The following HEG1 variants were observed in gnomAD, a reference collection of about 807,000 sequenced individuals.
The protein encoded by HEG1 is heart development protein with EGF like domains 1, also known as protein HEG homolog 1.
HEG1 carries 56 observed loss-of-function variants against 125.6 expected under a neutral mutation model. The observed-to-expected ratio is 0.45, with a 90% CI of 0.36 to 0.56. The LOEUF (loss-of-function observed/expected upper bound fraction) is 0.56. HEG1 is among the 20% of genes least tolerant of loss of function. The pLI, the probability that HEG1 is intolerant of heterozygous loss-of-function variation, is 0.00. For missense variants in HEG1, 1,523 were observed against 1,670.0 expected, an observed-to-expected ratio of 0.91 and a Z score of 1.53; for synonymous variants, 644 against 668.5, an observed-to-expected ratio of 0.96 and a Z score of 0.57.
intron 12 of HEG1, among the ~76,000 whole-genome samples, chr3:124,991,845 G>A (rs1277920392): frequency 6.6e-6 from 1 of 152,142 alleles, no homozygotes; most frequent in Non-Finnish European, 1.5e-5. Flanking sequence ...CCTGACCTCA[G>A]ATGATCCGCC....
At chr3:124,998,013 CCTT>C (rs1363354045) in intron 11 of HEG1, among the ~76,000 whole-genome samples, 190 bp from the exon 12 acceptor site, 1 of 152,218 alleles carries the variant, frequency 6.6e-6, no homozygotes, top group Non-Finnish European at 1.5e-5. Context: ...TTCTGCCACT[CCTT>C]CTCTGATCAG....
intron 12 of HEG1, among the ~76,000 whole-genome samples, chr3:124,992,452 T>C (rs1936849794): frequency 6.6e-6 from 1 of 152,210 alleles, no homozygotes; most frequent in African/African-American, 2.4e-5. Flanking sequence ...AAAAATGTGA[T>C]ACAGGGTTAA....
intron 1 of HEG1, among the ~76,000 whole-genome samples, chr3:125,036,222 A>AAAAAAAG (rs956038754): frequency 6.6e-5 from 10 of 150,418 alleles, no homozygotes; most frequent in Middle Eastern, 3.5e-3. Context: ...AAAAAAAAAA[A>AAAAAAAG]AAAAGAAAAG....
intron 16 of HEG1, among the ~76,000 whole-genome samples, chr3:124,971,725 T>G (rs1936427621): frequency 6.6e-6 from 1 of 151,996 alleles, no homozygotes; most frequent in Non-Finnish European, 1.5e-5. Flanking sequence ...CTCTTGACCT[T>G]GTGATCCACC....
At chr3:125,040,475 C>T (rs1268900615) in intron 1 of HEG1, among the ~76,000 whole-genome samples, 1 of 152,060 alleles carries the variant, frequency 6.6e-6, no homozygotes, top group African/African-American at 2.4e-5. Flanking sequence ...CAAAAGGGAG[C>T]GGTTCCAGAA....
Position 125,009,844 on chromosome 3 carries a change from A to G in HEG1, c.3074-20T>C. The G allele has an allele frequency of 6.2e-7, 1 of 1,602,646 alleles. No homozygotes were observed. The highest frequency in any genetic ancestry group is 8.5e-7 in the Non-Finnish European group (1 of 1,172,790). ...TCACATCTGTAGAGGAGAAAAAAGA[A>G]GAACATCTTGCATCTGTAGCAAACA... is the stretch of plus-strand genomic sequence containing the variant. On this transcript the variant is annotated intron_variant, in intron 7 of 16. Coordinates refer to ENST00000311127, the MANE Select transcript of HEG1 (RefSeq NM_020733.2).
intron 1 of HEG1, among the ~76,000 whole-genome samples, chr3:125,039,835 C>CAA (rs71996831): frequency 0.47 from 62,376 of 131,998 alleles, 16,577 homozygotes; most frequent in East Asian, 0.68. Flanking sequence ...AGAACAGAGC[C>CAA]AAAAAAAAAA....
chr3:125,015,011 G>C, intron 5 of HEG1: 1 of 1,235,238 alleles, frequency 8.1e-7, no homozygotes, highest in Non-Finnish European at 1.0e-6. Flanking sequence ...TGTCTTCCAA[G>C]GCTAAAAGTA....
At chr3:124,976,740 A>G (rs1463896087) in intron 15 of HEG1, among the ~76,000 whole-genome samples, 1 of 151,902 alleles carries the variant, frequency 6.6e-6, no homozygotes, top group Non-Finnish European at 1.5e-5. Flanking sequence ...AAGGACTAAT[A>G]CCTTTCCTGG....
At chr3:125,026,516 C>T (rs1463092942) in intron 3 of HEG1, among the ~76,000 whole-genome samples, 2 of 152,128 alleles carry the variant, frequency 1.3e-5, no homozygotes, top group Non-Finnish European at 2.9e-5. Flanking sequence ...ACTAATATCA[C>T]GCCTTGCAAA....
Position 124,981,433 on chromosome 3 carries a change from C to T in HEG1, c.3734-3487G>A, listed in dbSNP as rs760481959. On this transcript the variant is annotated intron_variant, in intron 14 of 16. Transcript: ENST00000311127. Reference sequence around the variant, plus strand: ...TGCCATGGTCCAGTAACAGTTCACACGGCAGACCACAAGTTGTGTAGCACT... The same window carrying T: ...TGCCATGGTCCAGTAACAGTTCACATGGCAGACCACAAGTTGTGTAGCACT... 4.9e-4 allele frequency among the ~76,000 whole-genome samples: 75 copies of T among 152,138 alleles called. 2 individuals carry two copies. Among genetic ancestry groups the T allele is most frequent in the Admixed American group, 4.3e-3 (65 of 15,264 alleles).
At chr3:124,974,772 G>A (rs1477580365) in intron 15 of HEG1, among the ~76,000 whole-genome samples, 2 of 152,114 alleles carry the variant, frequency 1.3e-5, no homozygotes, top group East Asian at 1.9e-4. Context: ...AAGTTTTCTA[G>A]GGAAGGCAAA....
At chr3:124,979,853 T>C (rs1324850254) in intron 14 of HEG1, among the ~76,000 whole-genome samples, 1 of 152,186 alleles carries the variant, frequency 6.6e-6, no homozygotes, top group Non-Finnish European at 1.5e-5. Flanking sequence ...TAGGTGCTGG[T>C]TGAGAATGAA....
At chr3:125,034,552 CTT>C (rs1195780274) in intron 1 of HEG1, among the ~76,000 whole-genome samples, 1 of 152,176 alleles carries the variant, frequency 6.6e-6, no homozygotes, top group Non-Finnish European at 1.5e-5. Context: ...AATTCTAGCA[CTT>C]TGGGAGACCA....
intron 1 of HEG1, among the ~76,000 whole-genome samples, chr3:125,038,276 CT>C (rs1937564561): frequency 6.6e-6 from 1 of 152,178 alleles, no homozygotes. Context: ...TCCACGACAC[CT>C]CTCCTAGGAG....
chr3:125,039,162 T>C (rs1937572253), intron 1 of HEG1, among the ~76,000 whole-genome samples: 1 of 152,182 alleles, frequency 6.6e-6, no homozygotes. Flanking sequence ...GAGCGTTTTA[T>C]TGCTTGCTTT....
At chr3:125,038,839 G>A (rs1937569122) in intron 1 of HEG1, among the ~76,000 whole-genome samples, 1 of 152,202 alleles carries the variant, frequency 6.6e-6, no homozygotes. Flanking sequence ...GATTCCTCAA[G>A]CTTCAGAGCC....
Position 125,004,403 on chromosome 3 carries a change from G to A in HEG1, c.3297+862C>T, listed in dbSNP as rs577744448. 2.0e-5 allele frequency among the ~76,000 whole-genome samples: 3 copies of A among 152,298 alleles called. No homozygotes were observed. In the Middle Eastern group the frequency reaches 0.01, roughly 518 times the overall value. On this transcript the variant is annotated intron_variant, in intron 9 of 16. Transcript: ENST00000311127. ...AGTCAAATCTCTGACTCAGATAGCA[G>A]TTGAGAAGCAAAGTTTATTATATGA... is the stretch of plus-strand genomic sequence containing the variant.
At chr3:125,020,694 T>C in intron 4 of HEG1, 98 bp downstream of exon 4, 1 of 1,001,458 alleles carries the variant, frequency 1.0e-6, no homozygotes, top group Non-Finnish European at 1.5e-6. Flanking sequence ...AAAGCACACT[T>C]TTCTCTGGAG....
Sources: gnomAD v4.1 joint callset for allele counts (sites outside exome capture counted in the v4.1 genomes callset) on GRCh38, gnomAD v4.1.1 for gene constraint, MANE v1.5 for transcripts, NCBI Gene and HGNC (gene_info 2026-07-23, HGNC 2026-07-21) for gene names.